Variants in MACROD2 observed in about 807,000 individuals in gnomAD.
MACROD2 encodes ADP-ribose glycohydrolase MACROD2.
A neutral mutation model predicts 70.4 loss-of-function variants in MACROD2; 36 were observed. The observed-to-expected ratio is 0.51, with a 90% CI of 0.39 to 0.68. The LOEUF is 0.68. Among genes scored for constraint, MACROD2 ranks in the 30% least tolerant of loss-of-function variants. The pLI is 0.00. For missense variants in MACROD2, 496 were observed against 538.4 expected, an observed-to-expected ratio of 0.92 and a Z score of 0.78; for synonymous variants, 172 against 178.8, an observed-to-expected ratio of 0.96 and a Z score of 0.30.
intron 6 of MACROD2, among the ~76,000 whole-genome samples, chr20:15,416,121 G>C (rs1453780962): frequency 6.6e-6 from 1 of 152,122 alleles, no homozygotes; most frequent in Non-Finnish European, 1.5e-5. Flanking sequence ...TTGCAGACTG[G>C]CTGCTCCCCA....
chr20:15,227,097 A>G (rs2076913439), intron 5 of MACROD2, among the ~76,000 whole-genome samples: 1 of 152,184 alleles, frequency 6.6e-6, no homozygotes, highest in African/African-American at 2.4e-5. Flanking sequence ...TCGATCTTGG[A>G]TGCTATAAAT....
At chr20:15,274,789 T>A (rs1298116817) in intron 6 of MACROD2, among the ~76,000 whole-genome samples, 1 of 152,194 alleles carries the variant, frequency 6.6e-6, no homozygotes, top group Non-Finnish European at 1.5e-5. Flanking sequence ...AAATAAAAAA[T>A]TTTAATGGCA....
intron 8 of MACROD2, among the ~76,000 whole-genome samples, chr20:15,507,381 T>C (rs371635191): frequency 2.4e-5 from 2 of 83,012 alleles, no homozygotes; most frequent in African/African-American, 4.5e-5. Context: ...TTCTCCTTCC[T>C]TCCCTCCCTC....
At chr20:14,413,841 C>T (rs564442421) in intron 3 of MACROD2, among the ~76,000 whole-genome samples, 3 of 151,754 alleles carry the variant, frequency 2.0e-5, no homozygotes, top group Non-Finnish European at 4.4e-5. Context: ...AAACCATTCA[C>T]AGGATGGGCA....
In MACROD2 at chr20:15,797,070, C is replaced by T. The variant is rs77579437; in HGVS notation, c.646-65675C>T. On this transcript the variant is annotated intron_variant, in intron 8 of 17. Transcript: ENST00000684519. Reference sequence around the variant, plus strand: ...AGGAACCAGCTGTTTCTGTCATTTTCTTCTAGCAACCTGACCTTTTAGGGT... The same window carrying T: ...AGGAACCAGCTGTTTCTGTCATTTTTTTCTAGCAACCTGACCTTTTAGGGT... 4.4e-3 allele frequency among the ~76,000 whole-genome samples: 671 copies of T among 152,164 alleles called. 6 individuals carry two copies. Among genetic ancestry groups the T allele is most frequent in the East Asian group, 0.015 (75 of 5,152 alleles).
At chr20:15,290,360 T>C (rs1483718845) in intron 6 of MACROD2, among the ~76,000 whole-genome samples, 3 of 152,194 alleles carry the variant, frequency 2.0e-5, no homozygotes, top group South Asian at 2.1e-4. Flanking sequence ...CTGGCTTTTT[T>C]CCCATTATGC....
At chr20:15,252,549 TTAAC>T (rs2077164976) in intron 6 of MACROD2, among the ~76,000 whole-genome samples, 1 of 152,170 alleles carries the variant, frequency 6.6e-6, no homozygotes, top group African/African-American at 2.4e-5. Context: ...TCACATTTCA[TTAAC>T]TAGAAGAAGT....
intron 5 of MACROD2, among the ~76,000 whole-genome samples, chr20:14,895,856 C>T (rs562248140): frequency 2.6e-5 from 4 of 151,928 alleles, no homozygotes; most frequent in Non-Finnish European, 5.9e-5. Flanking sequence ...AGGATAATAA[C>T]CTTGGATGAC....
chr20:15,611,501 C>T (rs955931113), intron 8 of MACROD2, among the ~76,000 whole-genome samples: 6 of 152,140 alleles, frequency 3.9e-5, no homozygotes, highest in African/African-American at 1.4e-4. Flanking sequence ...CAAGCACCTA[C>T]CTGGTGCCTA....
intron 8 of MACROD2, among the ~76,000 whole-genome samples, chr20:15,721,525 A>G (rs1402968058): frequency 1.3e-5 from 2 of 152,182 alleles, no homozygotes; most frequent in Admixed American, 6.5e-5. Flanking sequence ...AAAATACTAA[A>G]AACAATACCA....
chr20:15,251,906 C>T (rs969276880), intron 6 of MACROD2, among the ~76,000 whole-genome samples: 1 of 152,072 alleles, frequency 6.6e-6, no homozygotes, highest in Non-Finnish European at 1.5e-5. Context: ...TGTATGAATT[C>T]CTCAGCTCAA....
intron 5 of MACROD2, among the ~76,000 whole-genome samples, chr20:14,855,964 C>T (rs1379469417): frequency 7.5e-6 from 1 of 133,950 alleles, no homozygotes; most frequent in Non-Finnish European, 1.6e-5. Flanking sequence ...ATTTCTAAGC[C>T]TAAAATAAAA....
At chr20:14,215,117 TATATATATTCCATC>T (rs1311751022) in intron 3 of MACROD2, among the ~76,000 whole-genome samples, 5 of 147,118 alleles carry the variant, frequency 3.4e-5, no homozygotes, top group African/African-American at 7.7e-5. Flanking sequence ...TATTCCATCA[TATATATATTCCATC>T]ATATATATAT....
intron 3 of MACROD2, among the ~76,000 whole-genome samples, chr20:14,296,969 A>C: frequency 6.6e-6 from 1 of 151,832 alleles, no homozygotes; most frequent in East Asian, 1.9e-4. Context: ...TCTTTCTGTC[A>C]CATTTTGGTA....
At chr20:15,380,322 A>G (rs896633431) in intron 6 of MACROD2, among the ~76,000 whole-genome samples, 3 of 152,174 alleles carry the variant, frequency 2.0e-5, no homozygotes, top group Admixed American at 1.3e-4. Context: ...GAAGCTTTCA[A>G]AGTAGGACTA....
intron 8 of MACROD2, among the ~76,000 whole-genome samples, chr20:15,565,550 T>G (rs1039154702): frequency 6.6e-6 from 1 of 152,180 alleles, no homozygotes; most frequent in Non-Finnish European, 1.5e-5. Flanking sequence ...GTGTATGTAG[T>G]TTCTTGAGAT....
At chr20:15,279,259 C>G (rs1457848095) in intron 6 of MACROD2, among the ~76,000 whole-genome samples, 1 of 152,116 alleles carries the variant, frequency 6.6e-6, no homozygotes, top group Non-Finnish European at 1.5e-5. Flanking sequence ...CATTTTGAAC[C>G]CTCACTGCTG....
chr20:14,646,850 A>G (rs1020475968), intron 4 of MACROD2, among the ~76,000 whole-genome samples: 1 of 151,992 alleles, frequency 6.6e-6, no homozygotes, highest in African/African-American at 2.4e-5. Flanking sequence ...TACCATGTCG[A>G]CTTCCTGTCT....
chr20:15,445,877 G>A (rs2046559012), intron 7 of MACROD2, among the ~76,000 whole-genome samples: 1 of 152,136 alleles, frequency 6.6e-6, no homozygotes, highest in African/African-American at 2.4e-5. Context: ...CCAATAGGGT[G>A]AAATAGCAAG....
Sources: gnomAD v4.1 joint callset for allele counts (sites outside exome capture counted in the v4.1 genomes callset) on GRCh38, gnomAD v4.1.1 for gene constraint, MANE v1.5 for transcripts, NCBI Gene and HGNC (gene_info 2026-07-23, HGNC 2026-07-21) for gene names.